COPS2: variants seen among roughly 807,000 people sequenced by gnomAD.
The protein encoded by COPS2 is COP9 signalosome complex subunit 2.
A neutral mutation model predicts 66.1 loss-of-function variants in COPS2; 10 were observed. The ratio of observed to expected loss-of-function variants is 0.15; its 90% CI spans 0.09 to 0.26. The LOEUF (loss-of-function observed/expected upper bound fraction) is 0.26. Among genes scored for constraint, COPS2 ranks in the 10% least tolerant of loss-of-function variants. COPS2 has a pLI of 1.00. For synonymous variants in COPS2, 179 were observed against 171.3 expected, an observed-to-expected ratio of 1.04 and a Z score of -0.35; for missense variants, 215 against 513.3, an observed-to-expected ratio of 0.42 and a Z score of 5.62.
In COPS2 at chr15:49,139,623, T is replaced by C; in HGVS notation, c.277A>G (p.Lys93Glu). Reference sequence around the variant, plus strand: ...CTCCGAATATAGGTCAATAGCTGCTTATATCTATTCATCATTTCTGGAAAG... The same window carrying C: ...CTCCGAATATAGGTCAATAGCTGCTCATATCTATTCATCATTTCTGGAAAG... ...TNFPEMMNRY[K>E]QLLTYIRSAV... Residue 93 changes from lysine to glutamate, a missense_variant, in exon 4 of 13, where the codon AAG (lysine) becomes GAG (glutamate). Lys to Glu is a moderately conservative substitution (Grantham distance 56, BLOSUM62 1). Around this residue, in one of 5 missense-constraint regions of COPS2, gnomAD observed 90 missense variants for 225.1 expected, o/e 0.40. Coordinates refer to ENST00000388901, the MANE Select transcript of COPS2 (RefSeq NM_004236.4). 1 of 1,594,630 alleles carries C rather than the reference T, an allele frequency of 6.3e-7. No individual in the cohort carries two copies. Among genetic ancestry groups the C allele is most frequent in the Non-Finnish European group, 8.5e-7 (1 of 1,172,046 alleles).
chr15:49,146,759 A>G (rs1258386495), intron 1 of COPS2, among the ~76,000 whole-genome samples: 1 of 152,114 alleles, frequency 6.6e-6, no homozygotes, highest in Non-Finnish European at 1.5e-5. Context: ...TAATATCCTC[A>G]TGGTTAAGCA....
intron 1 of COPS2, among the ~76,000 whole-genome samples, chr15:49,151,751 A>C (rs182009989): frequency 6.6e-5 from 10 of 150,862 alleles, no homozygotes; most frequent in African/African-American, 2.4e-4. Context: ...AATCAAACAG[A>C]TCTTAGAACA....
chr15:49,150,156 C>T (rs552520878), intron 1 of COPS2, among the ~76,000 whole-genome samples: 14 of 151,022 alleles, frequency 9.3e-5, no homozygotes, highest in African/African-American at 3.2e-4. Context: ...GGCATGGTGG[C>T]GCATGCCTGT....
At position 49,127,929 on chromosome 15, in the gene COPS2, T is replaced by G. The variant is rs1450588381; in HGVS notation, c.*21A>C. ...TCTCTGCACTGTTGCCTTAAGGACG[T>G]CTGTAAAAGCTTGTTCTCTGTTAAG... On this transcript the variant is annotated 3_prime_UTR_variant, in exon 13 of 13. Coordinates refer to ENST00000388901, the MANE Select transcript of COPS2 (RefSeq NM_004236.4). The G allele has an allele frequency of 3.1e-6, 5 of 1,612,398 alleles. No homozygotes were observed. The African/African-American group carries it at 6.7e-5, about 22-fold the overall frequency.
At chr15:49,133,138 G>A (rs1389836483) in intron 9 of COPS2, among the ~76,000 whole-genome samples, 2 of 151,886 alleles carry the variant, frequency 1.3e-5, no homozygotes, top group Admixed American at 1.3e-4. Flanking sequence ...ACAGGCGCCT[G>A]CCACCACGCC....
At chr15:49,140,314 G>A (rs1206391661) in intron 3 of COPS2, among the ~76,000 whole-genome samples, 1 of 152,040 alleles carries the variant, frequency 6.6e-6, no homozygotes, top group East Asian at 1.9e-4. Context: ...GCTTTCAAAT[G>A]CCTTGGGTAC....
rs1428898469 is a variant in COPS2, at chr15:49,139,598, C to G, written c.302G>C (p.Ser101Thr). ...RYKQLLTYIR[S>T]AVTRNYSEKS... The stretch of plus-strand genomic sequence containing the variant: ...TTCAGAATAATTTCTTGTGACTGCA[C>G]TCCGAATATAGGTCAATAGCTGCTT... Residue 101 changes from serine (S) to threonine (T), a missense_variant, in exon 4 of 13, where the codon AGT becomes ACT. Physicochemically the swap from Ser to Thr is moderately conservative, Grantham distance 58 (BLOSUM62 1). Coordinates refer to ENST00000388901, the MANE Select transcript of COPS2 (RefSeq NM_004236.4). 1.9e-6 allele frequency: 3 copies of G among 1,601,674 alleles called. No homozygotes were observed. Among genetic ancestry groups the G allele is most frequent in the Non-Finnish European group, 2.6e-6 (3 of 1,169,834 alleles).
intron 8 of COPS2, 28 bp downstream of exon 8, chr15:49,133,902 G>A: frequency 1.9e-6 from 3 of 1,569,996 alleles, no homozygotes; most frequent in South Asian, 1.2e-5. Flanking sequence ...TAGCTGATAA[G>A]AGAAATTAAC....
Position 49,133,841 on chromosome 15 carries a change from T to G in COPS2, c.895-30A>C. 5 of 1,555,538 alleles carry G rather than the reference T, an allele frequency of 3.2e-6. No homozygotes were observed. The African/African-American group carries it at 4.2e-5, about 13-fold the overall frequency. ...ACACAGTAAAGAAAAAAATTAAATA[T>G]ATGTACAAAGAAACAACATTTTAAA... On this transcript the variant is annotated intron_variant, in intron 8 of 12. Coordinates refer to ENST00000388901, the MANE Select transcript of COPS2 (RefSeq NM_004236.4).
chr15:49,154,215 CTG>C (rs2084388656), intron 1 of COPS2, among the ~76,000 whole-genome samples: 1 of 152,000 alleles, frequency 6.6e-6, no homozygotes. Context: ...AACAAAACAC[CTG>C]TAATATAAAT....
chr15:49,149,032 A>G (rs910308232), intron 1 of COPS2, among the ~76,000 whole-genome samples: 2 of 152,236 alleles, frequency 1.3e-5, no homozygotes, highest in African/African-American at 4.8e-5. Context: ...AATTTTAATT[A>G]GTATATAAAG....
intron 6 of COPS2, 46 bp downstream of exon 6, chr15:49,137,104 T>C (rs1293392060): frequency 1.7e-6 from 2 of 1,193,106 alleles, no homozygotes; most frequent in Non-Finnish European, 2.4e-6. Context: ...CTTATACTTT[T>C]TTTTTATTAT....
rs754567957 is a variant in COPS2, at chr15:49,122,915, C to G, written c.*5035G>C. On this transcript the variant is annotated 3_prime_UTR_variant, in exon 13 of 13. Transcript: ENST00000388901. ...TACATTCCTAATCACCTACTACTTCCTTCCCACCTAGTGTTAGCTCAAGGA... is the reference window on the plus strand; with the variant it reads ...TACATTCCTAATCACCTACTACTTCGTTCCCACCTAGTGTTAGCTCAAGGA... 6.6e-6 allele frequency: 1 copy of G among 152,180 alleles called. No homozygotes were observed. The highest frequency in any genetic ancestry group is 1.5e-5 in the Non-Finnish European group (1 of 68,012). 9.4% of individuals were successfully genotyped at this position (152,180 alleles called of 1,614,324 possible). A position where few individuals can be genotyped will look rare whatever the true frequency, so the allele number is the denominator to read the frequency against.
At chr15:49,141,409 T>G (rs2084288982) in intron 3 of COPS2, among the ~76,000 whole-genome samples, 1 of 151,806 alleles carries the variant, frequency 6.6e-6, no homozygotes, top group Non-Finnish European at 1.5e-5. Context: ...GGGAGGAGGA[T>G]AGCTTGAGCC....
At position 49,133,986 on chromosome 15, in the gene COPS2, A is replaced by G. The variant is rs2084234152; in HGVS notation, c.838T>C (p.Leu280=). 2 of 1,613,868 alleles carry G rather than the reference A, an allele frequency of 1.2e-6. No individual in the cohort carries two copies. The highest frequency in any genetic ancestry group is 2.2e-5 in the East Asian group (1 of 44,868). ...TTCATAAGCATATTTGCTAAGACCA[A>G]ATATTTTAAGCAAGTGGTTCGTCTT... The part of the protein sequence containing the change: ...SPRRTTCLKY[L]VLANMLMKSG... The change falls in exon 8 of 13, where the codon TTG becomes CTG. Residue 280 remains leucine, a synonymous_variant. Transcript: ENST00000388901.
intron 9 of COPS2, among the ~76,000 whole-genome samples, 160 bp downstream of exon 9, chr15:49,133,599 C>T (rs571125771): frequency 1.3e-5 from 2 of 152,192 alleles, no homozygotes; most frequent in Admixed American, 1.3e-4. Flanking sequence ...CAGAAAATAG[C>T]GTAATAAATA....
At chr15:49,129,826 C>A (rs778984055) in intron 10 of COPS2, among the ~76,000 whole-genome samples, 2 of 152,138 alleles carry the variant, frequency 1.3e-5, no homozygotes, top group Admixed American at 1.3e-4. Flanking sequence ...TATTACACTA[C>A]TTATCATTTC....
In COPS2 at chr15:49,124,459, A is replaced by C. The variant is rs1198863022; in HGVS notation, c.*3491T>G. ...GATTTGGGGGAAAAAAAAACCTAAA[A>C]CAATGAAAACTAAAAGAAAACCTCC... On this transcript the variant is annotated 3_prime_UTR_variant, in exon 13 of 13. Coordinates refer to ENST00000388901, the MANE Select transcript of COPS2 (RefSeq NM_004236.4). 6.6e-6 allele frequency: 1 copy of C among 152,056 alleles called. No homozygotes were observed. Among genetic ancestry groups the C allele is most frequent in the Non-Finnish European group, 1.5e-5 (1 of 67,988 alleles). 9.4% of individuals were successfully genotyped at this position (152,056 alleles called of 1,614,324 possible).
intron 1 of COPS2, 66 bp downstream of exon 1, chr15:49,155,459 G>C: frequency 8.7e-6 from 13 of 1,499,990 alleles, no homozygotes; most frequent in Non-Finnish European, 1.2e-5. Context: ...GGCCGCGGGC[G>C]CCCCGGCCCG....
Sources: allele counts gnomAD v4.1 joint callset (sites outside exome capture counted in the v4.1 genomes callset), GRCh38; gene constraint gnomAD v4.1.1; regional missense constraint gnomAD v4.1.1; transcripts MANE v1.5; gene names NCBI Gene and HGNC (gene_info 2026-07-23, HGNC 2026-07-21).